Variants in IRF2 observed in about 807,000 individuals in gnomAD.
IRF2 encodes the protein interferon regulatory factor 2.
A neutral mutation model predicts 40.6 loss-of-function variants in IRF2; 15 were observed. That is an observed-to-expected ratio of 0.37 (90% CI 0.25 to 0.57). The LOEUF (loss-of-function observed/expected upper bound fraction) is 0.57. IRF2 is among the 20% of genes least tolerant of loss of function. The probability of loss-of-function intolerance (pLI) is 0.77; values close to 1 mark genes in which losing one functional copy is unlikely to be tolerated. For missense variants in IRF2, 317 were observed against 455.7 expected (o/e 0.70, Z 2.77); for synonymous variants, 151 against 165.5 (o/e 0.91, Z 0.67).
At chr4:184,466,297 C>T (rs1184609875) in intron 1 of IRF2, among the ~76,000 whole-genome samples, 2 of 152,048 alleles carry the variant, frequency 1.3e-5, no homozygotes, top group African/African-American at 2.4e-5. Context: ...GAAATCCGCC[C>T]GCCTCGGCCT....
rs115635593 is a variant in IRF2 at position 184,432,811 on chromosome 4, A to T, written c.-6-3741T>A. ...GGCTGCTGCAGCTAACCATGCCTGGAGCCACCAGAAGCTGGAAGAGGCAAG... is the reference window on the plus strand; with the variant it reads ...GGCTGCTGCAGCTAACCATGCCTGGTGCCACCAGAAGCTGGAAGAGGCAAG... On this transcript the variant is annotated intron_variant, in intron 1 of 8. Coordinates refer to ENST00000393593, the MANE Select transcript of IRF2 (RefSeq NM_002199.4). Among the ~76,000 whole-genome samples, 531 of 152,336 alleles carry T rather than the reference A, an allele frequency of 3.5e-3. 6 individuals are homozygous for T. The highest frequency in any genetic ancestry group is 0.012 in the African/African-American group (510 of 41,578).
At chr4:184,432,560 C>T (rs55901403) in intron 1 of IRF2, among the ~76,000 whole-genome samples, 1 of 152,048 alleles carries the variant, frequency 6.6e-6, no homozygotes, top group Non-Finnish European at 1.5e-5. Context: ...GTTCAATGCT[C>T]ATCAATCAAC....
At chr4:184,468,681 C>T (rs1456503170) in intron 1 of IRF2, among the ~76,000 whole-genome samples, 1 of 152,064 alleles carries the variant, frequency 6.6e-6, no homozygotes, top group Non-Finnish European at 1.5e-5. Context: ...GGGAAGAGAT[C>T]CTCGATTCAG....
At chr4:184,419,660 T>C (rs1290440030) in intron 2 of IRF2, 92 bp from the exon 3 acceptor site, 1 of 833,740 alleles carries the variant, frequency 1.2e-6, no homozygotes, top group East Asian at 2.5e-5. Flanking sequence ...GCCAGCAAGA[T>C]TCCCCAGCAA....
chr4:184,390,364 A>G (rs972950064), intron 8 of IRF2, among the ~76,000 whole-genome samples: 1 of 152,202 alleles, frequency 6.6e-6, no homozygotes, highest in Non-Finnish European at 1.5e-5. Flanking sequence ...TTGGCTGGGA[A>G]GGCTGCTCTA....
intron 1 of IRF2, among the ~76,000 whole-genome samples, chr4:184,441,996 C>T (rs1423054015): frequency 6.6e-6 from 1 of 152,126 alleles, no homozygotes; most frequent in African/African-American, 2.4e-5. Flanking sequence ...GAGAGGGCCC[C>T]ACACCTCCGT....
chr4:184,444,582 G>C lies in IRF2; in HGVS notation c.-6-15512C>G, dbSNP rs552613432. ...ATTTATGGTCAACATTGTTCAAAGA[G>C]CATTATTTATATAGCAAAACTAACC... On this transcript the variant is annotated intron_variant, in intron 1 of 8. Coordinates refer to ENST00000393593, the MANE Select transcript of IRF2 (RefSeq NM_002199.4). Among the ~76,000 whole-genome samples the C allele has an allele frequency of 2.0e-5, 3 of 152,306 alleles. No homozygotes were observed. In the East Asian group the frequency reaches 5.8e-4, roughly 29 times the overall value.
intron 2 of IRF2, among the ~76,000 whole-genome samples, chr4:184,427,280 ATGG>A (rs1737707333): frequency 6.6e-6 from 1 of 152,250 alleles, no homozygotes; most frequent in Non-Finnish European, 1.5e-5. Flanking sequence ...AAATAAGCAG[ATGG>A]TTTCTTCATT....
intron 1 of IRF2, among the ~76,000 whole-genome samples, chr4:184,432,504 C>G (rs762018723): frequency 2.6e-5 from 4 of 152,208 alleles, no homozygotes; most frequent in Non-Finnish European, 4.4e-5. Context: ...AGGGAAAATA[C>G]GTATATTAGA....
At chr4:184,409,227 C>G (rs145003482) in intron 5 of IRF2, among the ~76,000 whole-genome samples, 1 of 152,158 alleles carries the variant, frequency 6.6e-6, no homozygotes, top group Non-Finnish European at 1.5e-5. Context: ...TGCAAGTAGA[C>G]GTGACTGTGC....
At chr4:184,411,552 C>A (rs1205786411) in intron 5 of IRF2, among the ~76,000 whole-genome samples, 1 of 152,166 alleles carries the variant, frequency 6.6e-6, no homozygotes, top group Non-Finnish European at 1.5e-5. Context: ...TCTGGACAGA[C>A]AGTACAGTCA....
intron 2 of IRF2, among the ~76,000 whole-genome samples, chr4:184,422,219 T>C (rs1408242946): frequency 6.6e-6 from 1 of 152,096 alleles, no homozygotes; most frequent in African/African-American, 2.4e-5. Context: ...CCCCAGGTAG[T>C]CCTTTGTAGC....
At chr4:184,399,469 G>T (rs1194190812) in intron 6 of IRF2, among the ~76,000 whole-genome samples, 1 of 152,216 alleles carries the variant, frequency 6.6e-6, no homozygotes, top group Non-Finnish European at 1.5e-5. Context: ...CCCTGCTCTT[G>T]CTCCAAAAGA....
Position 184,457,501 on chromosome 4 carries a change from C to T in IRF2, c.-7+16878G>A, listed in dbSNP as rs28530541. On this transcript the variant is annotated intron_variant, in intron 1 of 8. Transcript: ENST00000393593. ...CTTGGGTTTCTTACCTGAATTTGAG[C>T]CAACTGTCTTTAATTCCTCCTCACT... Among the ~76,000 whole-genome samples the T allele has an allele frequency of 6.9e-3, 1,058 of 152,314 alleles. 16 individuals are homozygous for T. The highest frequency in any genetic ancestry group is 0.024 in the African/African-American group (1,009 of 41,560).
intron 2 of IRF2, among the ~76,000 whole-genome samples, chr4:184,420,997 G>T (rs1399294581): frequency 6.6e-6 from 1 of 152,208 alleles, no homozygotes; most frequent in Non-Finnish European, 1.5e-5. Context: ...GTTGAGACCT[G>T]GATTCTGTGG....
chr4:184,466,575 C>T (rs776712302), intron 1 of IRF2, among the ~76,000 whole-genome samples: 3 of 152,046 alleles, frequency 2.0e-5, no homozygotes, highest in Non-Finnish European at 4.4e-5. Context: ...AAGATCAGTA[C>T]GGGGGGAGAA....
chr4:184,464,066 C>T (rs974957295), intron 1 of IRF2, among the ~76,000 whole-genome samples: 4 of 151,498 alleles, frequency 2.6e-5, no homozygotes, highest in Admixed American at 6.6e-5. Flanking sequence ...AGATAGGGAC[C>T]GTATAGGACA....
intron 4 of IRF2, 74 bp downstream of exon 4, chr4:184,418,458 G>A: frequency 7.3e-7 from 1 of 1,362,582 alleles, no homozygotes; most frequent in Non-Finnish European, 1.0e-6. Context: ...GACTGCAGAT[G>A]TAGAAATGAA....
In IRF2 at chr4:184,408,374, G is replaced by T; in HGVS notation, c.412-99C>A. ...TCTGCCTACTTTCTTTAATGCTAGG[G>T]TCATTCATGTTCAGCTGCCGAATAC... On this transcript the variant is annotated intron_variant, in intron 5 of 8. Transcript: ENST00000393593. This position sits in a 1 kb window ranked among gnomAD's most constrained non-coding sequence, Gnocchi z 4.9. 3 of 767,352 alleles carry T rather than the reference G, an allele frequency of 3.9e-6. No homozygotes were observed. Among genetic ancestry groups the T allele is most frequent in the Non-Finnish European group, 6.8e-6 (3 of 440,454 alleles). The allele number at this position is 767,352 out of a possible 1,614,324, so 47.5% of individuals were successfully genotyped here.
Sources: gnomAD v4.1 joint callset for allele counts (sites outside exome capture counted in the v4.1 genomes callset) on GRCh38, gnomAD v4.1.1 for gene constraint, Gnocchi (gnomAD v3.1) non-coding constraint, MANE v1.5 for transcripts, NCBI Gene and HGNC (gene_info 2026-07-23, HGNC 2026-07-21) for gene names.